Variants in TSLP observed in about 807,000 individuals in gnomAD.
TSLP encodes the protein thymic stromal lymphopoietin.
In TSLP, 12 loss-of-function variants were observed where a neutral mutation model predicts 12.4. The ratio of observed to expected loss-of-function variants is 0.97; its 90% CI spans 0.62 to 1.57. The LOEUF is 1.57. Ranked by LOEUF, TSLP falls within the 40% of genes most tolerant of loss-of-function variation. The pLI is 0.00. For missense variants in TSLP, 222 were observed against 189.6 expected, an observed-to-expected ratio of 1.17 and a Z score of -1.00; for synonymous variants, 97 against 69.5, an observed-to-expected ratio of 1.40 and a Z score of -1.97.
chr5:111,072,994 G>A (rs1043266602), intron 2 of TSLP, 62 bp downstream of exon 2: 67 of 1,587,854 alleles, frequency 4.2e-5, no homozygotes, highest in Admixed American at 1.2e-4. Flanking sequence ...TTTGGAGAGG[G>A]AGTATCCTGC....
At chr5:111,073,408 T>C (rs951129726) in intron 2 of TSLP, 103 bp from the exon 3 acceptor site, 7 of 1,566,970 alleles carry the variant, frequency 4.5e-6, no homozygotes, top group Admixed American at 1.8e-5. Flanking sequence ...TGTTCCCCGC[T>C]CCTCCCTGAC....
chr5:111,073,037 C>CG (rs1441992960), intron 2 of TSLP, 105 bp downstream of exon 2: 33 of 1,374,506 alleles, frequency 2.4e-5, no homozygotes, highest in South Asian at 1.3e-4. Context: ...GCCTGGGCTC[C>CG]GGGACGCCGC....
At chr5:111,073,182 T>G in intron 2 of TSLP, 1 of 959,502 alleles carries the variant, frequency 1.0e-6, no homozygotes, top group Non-Finnish European at 1.5e-6. Context: ...CGAGGGAACG[T>G]TGTTAGGGGC....
chr5:111,075,712 G>A (rs1580378317), intron 3 of TSLP, among the ~76,000 whole-genome samples: 1 of 152,318 alleles, frequency 6.6e-6, no homozygotes, highest in East Asian at 1.9e-4. Context: ...CAAGGTCTGA[G>A]CAATTAGTGG....
rs2112550501 is a variant in TSLP, at chr5:111,077,557, A to G, written c.*1483A>G. ...CCAAGCTCTTAAATGCTATTGTAAGAGAAATTTCTTTGTCTATTAACTCCA... is the reference window on the plus strand; with the variant it reads ...CCAAGCTCTTAAATGCTATTGTAAGGGAAATTTCTTTGTCTATTAACTCCA... On this transcript the variant is annotated 3_prime_UTR_variant, in exon 4 of 4. Coordinates refer to ENST00000344895, the MANE Select transcript of TSLP (RefSeq NM_033035.5). 1.3e-5 allele frequency: 2 copies of G among 152,648 alleles called. No homozygotes were observed. 9.5% of individuals were successfully genotyped at this position (152,648 alleles called of 1,614,324 possible).
intron 2 of TSLP, chr5:111,073,225 G>C: frequency 7.5e-7 from 1 of 1,326,696 alleles, no homozygotes; most frequent in Non-Finnish European, 9.9e-7. Context: ...CTCCGCGCTC[G>C]GGCTCGGAAT....
At chr5:111,071,644 C>A (rs1233442496), upstream of TSLP, 3 of 1,435,656 alleles carry the variant, frequency 2.1e-6, no homozygotes, top group East Asian at 2.5e-5. Flanking sequence ...GGTAGAAAAT[C>A]ATTGGCCTAG....
At chr5:111,071,655 G>A, upstream of TSLP, 2 of 1,409,394 alleles carry the variant, frequency 1.4e-6, no homozygotes, top group African/African-American at 2.9e-5. Context: ...ATTGGCCTAG[G>A]AGAAAAGAGC....
At chr5:111,071,234 C>T (rs1048537970), upstream of TSLP, 23 of 447,036 alleles carry the variant, frequency 5.1e-5, no homozygotes, top group African/African-American at 4.0e-4. Context: ...GACTGCACCC[C>T]ACCCTCCAAA....
chr5:111,075,682 A>G (rs1451327050), intron 3 of TSLP, among the ~76,000 whole-genome samples: 1 of 152,226 alleles, frequency 6.6e-6, no homozygotes, highest in Non-Finnish European at 1.5e-5. Flanking sequence ...ACTCTTAAGT[A>G]CTGGAAGAGT....
In TSLP at chr5:111,077,908, T is replaced by C. The variant is rs1752556631; in HGVS notation, c.*1834T>C. On this transcript the variant is annotated 3_prime_UTR_variant, in exon 4 of 4. Transcript: ENST00000344895. ...AGAACGTTCCCAAATGTTGTAACAA[T>C]GTGGATCATACATCTCTGGTTTTTT... 2 of 152,572 alleles carry C rather than the reference T, an allele frequency of 1.3e-5. No individual in the cohort carries two copies. The highest frequency in any genetic ancestry group is 1.9e-4 in the East Asian group (1 of 5,194). 9.5% of individuals were successfully genotyped at this position (152,572 alleles called of 1,614,324 possible).
At chr5:111,075,846 T>A (rs1346649540) in intron 3 of TSLP, 100 bp from the exon 4 acceptor site, 1 of 1,271,290 alleles carries the variant, frequency 7.9e-7, no homozygotes, top group Non-Finnish European at 1.1e-6. Flanking sequence ...GGAGACACAC[T>A]GAAAGATGGA....
intron 2 of TSLP, 140 bp from the exon 3 acceptor site, chr5:111,073,371 G>C: frequency 6.5e-7 from 1 of 1,533,258 alleles, no homozygotes; most frequent in Non-Finnish European, 8.8e-7. Flanking sequence ...ACTCAACCCT[G>C]ACCTCTTCTC....
chr5:111,071,451 C>T, upstream of TSLP: 1 of 1,531,378 alleles, frequency 6.5e-7, no homozygotes, highest in South Asian at 1.3e-5. Context: ...GAGAAAGACA[C>T]TGGTATCCGT....
Position 111,076,172 on chromosome 5 carries a change from A to G in TSLP, c.*98A>G. 1 of 1,366,462 alleles carries G rather than the reference A, an allele frequency of 7.3e-7. No homozygotes were observed. The highest frequency in any genetic ancestry group is 1.0e-6 in the Non-Finnish European group (1 of 980,918). 84.6% of individuals were successfully genotyped at this position (1,366,462 alleles called of 1,614,324 possible). A position where few individuals can be genotyped will look rare whatever the true frequency, so the allele number is the denominator to read the frequency against. On this transcript the variant is annotated 3_prime_UTR_variant, in exon 4 of 4. Transcript: ENST00000344895. The stretch of plus-strand genomic sequence containing the variant: ...CTAACTGTGACAAAGAAGACCACAA[A>G]TAGTTATCTTTTAATTACAGAAGAG...
chr5:111,070,432 G>T (rs371413342), upstream of TSLP: 3 of 153,026 alleles, frequency 2.0e-5, no homozygotes, highest in East Asian at 1.9e-4. Flanking sequence ...TGAGGGGTGC[G>T]ATGGACGGGG....
chr5:111,073,567 G>T lies in TSLP; in HGVS notation c.273G>T (p.Ala91=). The change falls in exon 3 of 4, where the codon GCG becomes GCT. Residue 91 remains alanine (A), a synonymous_variant. Transcript: ENST00000344895. Reference sequence around the variant, plus strand: ...CCTTCAATCCCACCGCCGGCTGCGCGTCGCTCGCCAAAGAAATGTTCGCCA... The same window carrying T: ...CCTTCAATCCCACCGCCGGCTGCGCTTCGCTCGCCAAAGAAATGTTCGCCA... ...SLTFNPTAGC[A]SLAKEMFAMK... 2 of 1,614,120 alleles carry T rather than the reference G, an allele frequency of 1.2e-6. No homozygotes were observed. The highest frequency in any genetic ancestry group is 1.7e-6 in the Non-Finnish European group (2 of 1,180,036).
intron 3 of TSLP, 135 bp from the exon 4 acceptor site, chr5:111,075,810 GC>G: frequency 1.1e-6 from 1 of 897,440 alleles, no homozygotes; most frequent in Non-Finnish European, 1.7e-6. Flanking sequence ...AAAGGCACAT[GC>G]TAGCACATAG....
chr5:111,071,999 G>C lies in TSLP; in HGVS notation c.109G>C (p.Glu37Gln), dbSNP rs1330211729. Reference sequence around the variant, plus strand: ...TTACGACTTCACTAACTGTGACTTTGAGAAGATTAAAGCAGCCTATCTCAG... The same window carrying C: ...TTACGACTTCACTAACTGTGACTTTCAGAAGATTAAAGCAGCCTATCTCAG... ...LTYDFTNCDF[E>Q]KIKAAYLSTI... Residue 37 changes from glutamate (E) to glutamine (Q), a missense_variant, in exon 1 of 4, where the codon GAG becomes CAG. Coordinates refer to ENST00000344895, the MANE Select transcript of TSLP (RefSeq NM_033035.5). The C allele has an allele frequency of 6.2e-7, 1 of 1,614,100 alleles. No individual in the cohort carries two copies. The highest frequency in any genetic ancestry group is 8.5e-7 in the Non-Finnish European group (1 of 1,180,060).
Sources: gnomAD v4.1 joint callset for allele counts (sites outside exome capture counted in the v4.1 genomes callset) on GRCh38, gnomAD v4.1.1 for gene constraint, MANE v1.5 for transcripts, NCBI Gene and HGNC (gene_info 2026-07-23, HGNC 2026-07-21) for gene names.